Variants in TULP4 observed in about 807,000 individuals in gnomAD.
The protein encoded by TULP4 is TUB like protein 4, also known as tubby-related protein 4.
In TULP4, 16 loss-of-function variants were observed where a neutral mutation model predicts 129.0. The observed-to-expected ratio is 0.12, with a 90% CI of 0.08 to 0.19. TULP4 has a LOEUF of 0.19. Among genes scored for constraint, TULP4 ranks in the 10% least tolerant of loss-of-function variants. The pLI, the probability that TULP4 is intolerant of heterozygous loss-of-function variation, is 1.00. For synonymous variants in TULP4, 998 were observed against 854.0 expected (o/e 1.17, Z -2.94); for missense variants, 1,842 against 2,059.1 (o/e 0.89, Z 2.04).
intron 2 of TULP4, among the ~76,000 whole-genome samples, chr6:158,423,750 C>T (rs906893734): frequency 6.6e-6 from 1 of 152,142 alleles, no homozygotes; most frequent in Non-Finnish European, 1.5e-5. Context: ...ATGCCATTCT[C>T]CTGCCTCAGC....
chr6:158,425,101 C>G (rs568076387), intron 2 of TULP4, among the ~76,000 whole-genome samples: 153 of 121,588 alleles, frequency 1.3e-3, no homozygotes, highest in African/African-American at 4.1e-3. Flanking sequence ...TTGCAGTGAG[C>G]TGAGATCGTG....
At chr6:158,320,883 C>G (rs1288478619) in intron 1 of TULP4, among the ~76,000 whole-genome samples, 1 of 152,156 alleles carries the variant, frequency 6.6e-6, no homozygotes, top group African/African-American at 2.4e-5. Flanking sequence ...TGACCCTGCC[C>G]CTTGTCCCTG....
At chr6:158,494,711 A>C (rs1582879013) in intron 10 of TULP4, 42 bp from the exon 11 acceptor site, 1 of 1,564,648 alleles carries the variant, frequency 6.4e-7, no homozygotes, top group African/African-American at 1.4e-5. Flanking sequence ...AAAATACGGA[A>C]ATAGATTGTG....
chr6:158,452,359 T>G, intron 5 of TULP4, 91 bp downstream of exon 5: 1 of 1,511,844 alleles, frequency 6.6e-7, no homozygotes, highest in Non-Finnish European at 8.9e-7. Flanking sequence ...GCTTACTGAT[T>G]CCTGTCCTCT....
In TULP4 at chr6:158,332,957, G is replaced by A. The variant is rs557004478; in HGVS notation, c.252+18689G>A. On this transcript the variant is annotated intron_variant, in intron 1 of 13. Coordinates refer to ENST00000367097, the MANE Select transcript of TULP4 (RefSeq NM_020245.5). ...CACACACGTACATACATGCATATAT[G>A]TATACACATTACATATATGTGTTTT... is the stretch of plus-strand genomic sequence containing the variant. 3.6e-4 allele frequency among the ~76,000 whole-genome samples: 55 copies of A among 152,164 alleles called. 2 individuals are homozygous for A. The South Asian group carries it at 0.011, about 29-fold the overall frequency.
Position 158,314,430 on chromosome 6 carries a change from A to C in TULP4, c.252+162A>C, listed in dbSNP as rs565834565. Among the ~76,000 whole-genome samples the C allele has an allele frequency of 2.6e-5, 4 of 151,492 alleles. No individual in the cohort carries two copies. In the East Asian group the frequency reaches 7.8e-4, roughly 29 times the overall value. On this transcript the variant is annotated intron_variant, in intron 1 of 13. Coordinates refer to ENST00000367097, the MANE Select transcript of TULP4 (RefSeq NM_020245.5). ...TTATTCTCTGGCAGAAAAGATGCTA[A>C]GATGGACATAGTTCACAGTAGGCTG... is the stretch of plus-strand genomic sequence containing the variant.
intron 1 of TULP4, among the ~76,000 whole-genome samples, chr6:158,348,944 A>ACAAAGGGCAGCCGGGCAGAGGC (rs1562529618): frequency 1.6e-4 from 8 of 50,756 alleles, no homozygotes; most frequent in East Asian, 6.3e-4. Context: ...CACCTCCCAG[A>ACAAAGGGCAGCCGGGCAGAGGC]TGAAGGGCGG....
At chr6:158,248,385 T>C (rs1356243033) in intron 1 of TULP4, among the ~76,000 whole-genome samples, 2 of 152,036 alleles carry the variant, frequency 1.3e-5, no homozygotes, top group Non-Finnish European at 2.9e-5. Context: ...TTCTCCTGCC[T>C]CAGCCTCCCA....
rs143311090 is a variant in TULP4, at chr6:158,488,294, C to T, written c.1487-1294C>T. ...GCATGCTTGAGTCATAGCTGAGATT[C>T]CTTTGATCCAGTGATTCCTAAATTA... On this transcript the variant is annotated intron_variant, in intron 8 of 13. Transcript: ENST00000367097. Among the ~76,000 whole-genome samples the T allele has an allele frequency of 4.9e-3, 742 of 152,268 alleles. 2 individuals are homozygous for T. Among genetic ancestry groups the T allele is most frequent in the Non-Finnish European group, 7.4e-3 (502 of 68,016 alleles).
At chr6:158,343,446 C>T (rs1780232951) in intron 1 of TULP4, among the ~76,000 whole-genome samples, 1 of 152,138 alleles carries the variant, frequency 6.6e-6, no homozygotes, top group Admixed American at 6.5e-5. Context: ...CAGCTTAAAC[C>T]TTAACCTCCA....
At chr6:158,444,049 C>T (rs542063885) in intron 3 of TULP4, among the ~76,000 whole-genome samples, 3 of 150,938 alleles carry the variant, frequency 2.0e-5, no homozygotes, top group Non-Finnish European at 3.0e-5. Context: ...GAAACCCCGT[C>T]TCTACTAAAA....
At chr6:158,379,872 C>G (rs827984) in intron 1 of TULP4, among the ~76,000 whole-genome samples, 148,392 of 152,292 alleles carry the variant, frequency 0.97, 72,337 homozygotes, top group East Asian at 1. Context: ...TTTGACAAAG[C>G]AGTCTGGAGT....
intron 3 of TULP4, among the ~76,000 whole-genome samples, chr6:158,439,043 T>C (rs1778819961): frequency 6.6e-6 from 1 of 151,842 alleles, no homozygotes. Flanking sequence ...TGGTGGCATG[T>C]GCCTGTAGTC....
intron 1 of TULP4, among the ~76,000 whole-genome samples, chr6:158,352,221 A>T (rs1261171516): frequency 6.6e-6 from 1 of 152,200 alleles, no homozygotes; most frequent in African/African-American, 2.4e-5. Flanking sequence ...TGGCAAAATC[A>T]TGAGGACCAG....
intron 1 of TULP4, among the ~76,000 whole-genome samples, chr6:158,288,591 C>T (rs1016710054): frequency 2.2e-4 from 34 of 152,068 alleles, no homozygotes; most frequent in African/African-American, 8.0e-4. Context: ...AGCTCCGCCT[C>T]CCGGGTTCAC....
chr6:158,321,119 A>T (rs4709191), intron 1 of TULP4, among the ~76,000 whole-genome samples: 139,199 of 152,158 alleles, frequency 0.91, 63,886 homozygotes, highest in Admixed American at 0.95. Flanking sequence ...ACTGAAATGA[A>T]CTCCTCAATG....
chr6:158,427,471 C>CT (rs557678837), intron 2 of TULP4, among the ~76,000 whole-genome samples: 792 of 74,108 alleles, frequency 0.011, 146 homozygotes, highest in African/African-American at 0.016. Context: ...ATTATCAGAC[C>CT]TTTTTTTTTT....
intron 5 of TULP4, among the ~76,000 whole-genome samples, chr6:158,452,556 G>C (rs1779186071): frequency 6.6e-6 from 1 of 152,218 alleles, no homozygotes; most frequent in African/African-American, 2.4e-5. Context: ...GTACAGGTAT[G>C]TTTGCATCTG....
intron 1 of TULP4, among the ~76,000 whole-genome samples, chr6:158,400,461 A>AGT (rs552903131): frequency 3.1e-4 from 47 of 151,988 alleles, no homozygotes; most frequent in Non-Finnish European, 4.6e-4. Context: ...CTCAAGGTGT[A>AGT]GTGTGTGTGT....
Sources: allele counts gnomAD v4.1 joint callset (sites outside exome capture counted in the v4.1 genomes callset), GRCh38; gene constraint gnomAD v4.1.1; transcripts MANE v1.5; gene names NCBI Gene and HGNC (gene_info 2026-07-23, HGNC 2026-07-21).